CES5A: variants seen among roughly 807,000 people sequenced by gnomAD.
CES5A encodes carboxylesterase 5.
Under a neutral mutation model 62.9 loss-of-function variants are expected in CES5A, and 67 were observed. That is an observed-to-expected ratio of 1.07 (90% CI 0.88 to 1.31). The LOEUF is 1.31. CES5A is among the 50% of genes most tolerant of loss of function. The pLI, the probability that CES5A is intolerant of heterozygous loss-of-function variation, is 0.00. For synonymous variants in CES5A, 296 were observed against 280.8 expected, an observed-to-expected ratio of 1.05 and a Z score of -0.54; for missense variants, 748 against 708.5, an observed-to-expected ratio of 1.06 and a Z score of -0.63.
chr16:55,941,810 G>A (rs1325834775), intron 2 of CES5A, among the ~76,000 whole-genome samples: 13 of 152,170 alleles, frequency 8.5e-5, no homozygotes, highest in South Asian at 8.3e-4. Context: ...TGATCAAATC[G>A]TTCTATATTC....
At chr16:55,881,565 A>C (rs759422213) in intron 1 of CES5A, among the ~76,000 whole-genome samples, 2 of 152,198 alleles carry the variant, frequency 1.3e-5, no homozygotes, top group African/African-American at 4.8e-5. Flanking sequence ...ACATGATGAC[A>C]GCCTACAGCA....
At chr16:55,884,173 A>G (rs1244694276) in intron 1 of CES5A, among the ~76,000 whole-genome samples, 10 of 152,210 alleles carry the variant, frequency 6.6e-5, no homozygotes, top group African/African-American at 2.2e-4. Context: ...CAGCGGTTTC[A>G]AGATCTGACA....
At chr16:55,952,089 T>C (rs7203902) in intron 1 of CES5A, among the ~76,000 whole-genome samples, 44,737 of 151,942 alleles carry the variant, frequency 0.29, 6,990 homozygotes, top group Non-Finnish European at 0.33. Context: ...GTCAGACAGG[T>C]TACCATCTGG....
rs1474254230 is a variant in CES5A at position 55,866,114 on chromosome 16, G to C, written c.554C>G (p.Thr185Arg). ...YRLGIFGFFT[T>R]WDQHAPGNWA... ...GTTCCCCGGAGCATGCTGATCCCAT[G>C]TGCTGAGGACAAGAGGCAGGGTGAG... Residue 185 changes from threonine to arginine, a missense_variant and splice_region_variant, in exon 5 of 13, where the codon ACA becomes AGA. Thr to Arg is a moderately conservative substitution (Grantham distance 71, BLOSUM62 -1). Coordinates refer to ENST00000290567, the MANE Select transcript of CES5A (RefSeq NM_001143685.2). 2 of 1,610,968 alleles carry C rather than the reference G, an allele frequency of 1.2e-6. No homozygotes were observed. The highest frequency in any genetic ancestry group is 1.7e-6 in the Non-Finnish European group (2 of 1,178,124).
chr16:55,884,941 TGTG>T (rs1567340584), intron 1 of CES5A, among the ~76,000 whole-genome samples: 2 of 152,160 alleles, frequency 1.3e-5, no homozygotes, highest in Non-Finnish European at 2.9e-5. Context: ...CCAGCACATT[TGTG>T]GTGAAGTCTT....
intron 4 of CES5A, among the ~76,000 whole-genome samples, chr16:55,867,465 C>G (rs1401678032): frequency 6.6e-6 from 1 of 152,160 alleles, no homozygotes; most frequent in Non-Finnish European, 1.5e-5. Context: ...GGGGCACATT[C>G]TACTCCCCTC....
intron 2 of CES5A, among the ~76,000 whole-genome samples, chr16:55,933,185 AC>A (rs1229343588): frequency 6.6e-6 from 1 of 152,176 alleles, no homozygotes; most frequent in Non-Finnish European, 1.5e-5. Flanking sequence ...AACTGTTTTG[AC>A]CAGGAAGTGT....
chr16:55,852,861 C>G lies in CES5A; in HGVS notation c.1273+20G>C, dbSNP rs1319313449. On this transcript the variant is annotated intron_variant, in intron 10 of 12. Coordinates refer to ENST00000290567, the MANE Select transcript of CES5A (RefSeq NM_001143685.2). ...GCCTCACTGGGCTATGGTCCTGGAGCGGGATGCTCAGATACTCACCTCTGT... is the reference window on the plus strand; with the variant it reads ...GCCTCACTGGGCTATGGTCCTGGAGGGGGATGCTCAGATACTCACCTCTGT... 1.2e-6 allele frequency: 2 copies of G among 1,604,876 alleles called. No individual in the cohort carries two copies. The highest frequency in any genetic ancestry group is 4.5e-5 in the East Asian group (2 of 44,628).
intron 5 of CES5A, 83 bp from the exon 6 acceptor site, chr16:55,863,535 C>T: frequency 1.3e-6 from 1 of 785,180 alleles, no homozygotes. Flanking sequence ...AGAAACCTTC[C>T]CAGGAAGCCT....
chr16:55,922,729 C>A (rs1317003323), intron 1 of CES5A, among the ~76,000 whole-genome samples: 1 of 151,884 alleles, frequency 6.6e-6, no homozygotes, highest in East Asian at 1.9e-4. Context: ...TTAACTGCTG[C>A]AGAATACACA....
chr16:55,875,204 C>T lies in CES5A; in HGVS notation c.18G>A (p.Val6=), dbSNP rs1248081893. Residue 6 remains valine, a synonymous_variant, in exon 1 of 13, where the codon GTG becomes GTA. Coordinates refer to ENST00000290567, the MANE Select transcript of CES5A (RefSeq NM_001143685.2). MSGNW[V]HPGQILIWAI... ...CCCAAATTAGGATCTGGCCTGGGTG[C>T]ACCCAATTCCCACTCATTTGGCTGC... 2.5e-6 allele frequency: 4 copies of T among 1,613,580 alleles called. No homozygotes were observed. Among genetic ancestry groups the T allele is most frequent in the Admixed American group, 1.7e-5 (1 of 59,916 alleles).
intron 2 of CES5A, among the ~76,000 whole-genome samples, chr16:55,945,350 A>T (rs565473595): frequency 6.6e-6 from 1 of 152,364 alleles, no homozygotes; most frequent in East Asian, 1.9e-4. Flanking sequence ...AATCAGAAGC[A>T]AAGTTAGAAT....
chr16:55,933,057 A>G (rs1416744262), intron 2 of CES5A, among the ~76,000 whole-genome samples: 1 of 152,220 alleles, frequency 6.6e-6, no homozygotes, highest in African/African-American at 2.4e-5. Flanking sequence ...TTTTGCCCAC[A>G]TGAGAGTCCA....
At chr16:55,853,309 C>T (rs1444070255) in intron 9 of CES5A, among the ~76,000 whole-genome samples, 1 of 152,228 alleles carries the variant, frequency 6.6e-6, no homozygotes, top group African/African-American at 2.4e-5. Flanking sequence ...GCTTCTCTCT[C>T]ATGTCTCAGA....
chr16:55,867,025 CCT>C (rs1491158853), intron 4 of CES5A, among the ~76,000 whole-genome samples: 4 of 152,120 alleles, frequency 2.6e-5, no homozygotes, highest in Non-Finnish European at 5.9e-5. Context: ...CTGCTCTGCC[CCT>C]CAAAAGCTGA....
Position 55,866,059 on chromosome 16 carries a change from C to G in CES5A, c.609G>C (p.Leu203=). ...ACTCGATGTTCTTCTGGACCCAGGA[C>G]AGAGCAGCCACCTGGTCCTTGAAGG... is the stretch of plus-strand genomic sequence containing the variant. The part of the protein sequence containing the change: ...NWAFKDQVAA[L]SWVQKNIEFF... The change falls in exon 5 of 13, where the codon CTG becomes CTC. Residue 203 remains leucine (L), a synonymous_variant. Coordinates refer to ENST00000290567, the MANE Select transcript of CES5A (RefSeq NM_001143685.2). The G allele has an allele frequency of 6.2e-7, 1 of 1,614,150 alleles. No homozygotes were observed. The highest frequency in any genetic ancestry group is 8.5e-7 in the Non-Finnish European group (1 of 1,180,016).
At chr16:55,856,619 T>C (rs1388987281) in intron 8 of CES5A, among the ~76,000 whole-genome samples, 174 bp from the exon 9 acceptor site, 1 of 152,216 alleles carries the variant, frequency 6.6e-6, no homozygotes, top group Non-Finnish European at 1.5e-5. Flanking sequence ...TAATTTCTTC[T>C]CACTTTTGAT....
At chr16:55,921,636 G>GAAAAAAA (rs1187326389) in intron 1 of CES5A, among the ~76,000 whole-genome samples, 1 of 61,920 alleles carries the variant, frequency 1.6e-5, no homozygotes, top group Non-Finnish European at 3.9e-5. Flanking sequence ...CAATCTGAAA[G>GAAAAAAA]AAAAAAAAAA....
intron 1 of CES5A, among the ~76,000 whole-genome samples, chr16:55,905,461 A>G (rs1353641493): frequency 6.6e-6 from 1 of 151,510 alleles, no homozygotes; most frequent in Non-Finnish European, 1.5e-5. Flanking sequence ...CCGCCCCCCA[A>G]GTTCAAACAA....
Sources: gnomAD v4.1 joint callset for allele counts (sites outside exome capture counted in the v4.1 genomes callset) on GRCh38, gnomAD v4.1.1 for gene constraint, MANE v1.5 for transcripts, NCBI Gene and HGNC (gene_info 2026-07-23, HGNC 2026-07-21) for gene names.